MAGI2: variants seen among roughly 807,000 people sequenced by gnomAD.
MAGI2 encodes membrane-associated guanylate kinase, WW and PDZ domain-containing protein 2.
MAGI2 carries 35 observed loss-of-function variants against 133.3 expected under a neutral mutation model. That is an observed-to-expected ratio of 0.26 (90% CI 0.20 to 0.35). The LOEUF is 0.35. Ranked by LOEUF, MAGI2 falls within the 10% of genes least tolerant of loss-of-function variation. MAGI2 has a pLI of 1.00. For missense variants in MAGI2, 1,636 were observed against 1,863.4 expected (o/e 0.88, Z 2.25); for synonymous variants, 729 against 710.6 (o/e 1.03, Z -0.41).
intron 20 of MAGI2, among the ~76,000 whole-genome samples, chr7:78,100,686 T>G (rs952175221): frequency 6.6e-6 from 1 of 152,176 alleles, no homozygotes; most frequent in Non-Finnish European, 1.5e-5. Context: ...AGTTTGGGTA[T>G]GATGTTAGAT....
At chr7:78,768,928 A>AC (rs1269451609) in intron 2 of MAGI2, among the ~76,000 whole-genome samples, 14 of 152,166 alleles carry the variant, frequency 9.2e-5, no homozygotes, top group Non-Finnish European at 1.8e-4. Flanking sequence ...GATTTCGCAC[A>AC]CCCCCAAACA....
intron 2 of MAGI2, among the ~76,000 whole-genome samples, chr7:78,732,247 G>A (rs1321214228): frequency 6.6e-6 from 1 of 152,148 alleles, no homozygotes; most frequent in African/African-American, 2.4e-5. Flanking sequence ...TTGCCTGAGT[G>A]AGAATGGCCT....
chr7:78,832,486 T>A (rs1437700967), intron 2 of MAGI2, among the ~76,000 whole-genome samples: 1 of 152,080 alleles, frequency 6.6e-6, no homozygotes, highest in African/African-American at 2.4e-5. Context: ...AATAAAATAG[T>A]TTAGGGGGCC....
intron 11 of MAGI2, among the ~76,000 whole-genome samples, chr7:78,197,411 G>A (rs1291153194): frequency 1.3e-5 from 2 of 152,182 alleles, no homozygotes; most frequent in Non-Finnish European, 2.9e-5. Flanking sequence ...TTCAGCAAAT[G>A]TCTATTTCTT....
chr7:78,479,343 G>C (rs1314536401), intron 6 of MAGI2, among the ~76,000 whole-genome samples: 5 of 151,866 alleles, frequency 3.3e-5, no homozygotes, highest in Admixed American at 3.3e-4. Flanking sequence ...TCCCATATGG[G>C]TGACCCATCC....
chr7:78,607,377 G>T (rs1584820242), intron 3 of MAGI2, among the ~76,000 whole-genome samples: 1 of 151,906 alleles, frequency 6.6e-6, no homozygotes, highest in Admixed American at 6.6e-5. Flanking sequence ...TGGTCTAGTG[G>T]TAGGGTCCAG....
At chr7:78,384,798 A>C (rs1289486524) in intron 6 of MAGI2, among the ~76,000 whole-genome samples, 1 of 152,174 alleles carries the variant, frequency 6.6e-6, no homozygotes, top group African/African-American at 2.4e-5. Context: ...CCTTAATTTC[A>C]TTTTCTATTT....
In MAGI2 at chr7:78,205,669, A is replaced by T. The variant is rs190037147; in HGVS notation, c.2048-4476T>A. On this transcript the variant is annotated intron_variant, in intron 10 of 21. Transcript: ENST00000354212. ...GAAATTCAATTTAATTAGGAATTCT[A>T]TATTTTTATTTGCGAAATCTGGTCA... Among the ~76,000 whole-genome samples, 15 of 152,342 alleles carry T rather than the reference A, an allele frequency of 9.8e-5. No individual in the cohort carries two copies. In the East Asian group the frequency reaches 2.5e-3, roughly 25 times the overall value.
intron 6 of MAGI2, among the ~76,000 whole-genome samples, chr7:78,369,883 T>C (rs1793750055): frequency 6.6e-6 from 1 of 152,038 alleles, no homozygotes; most frequent in South Asian, 2.1e-4. Context: ...TAAATCCTAT[T>C]ACAGGCAAAA....
chr7:78,503,318 A>G (rs553826124), intron 4 of MAGI2, among the ~76,000 whole-genome samples: 9 of 152,236 alleles, frequency 5.9e-5, no homozygotes, highest in Admixed American at 5.2e-4. Flanking sequence ...GAATCAGAGC[A>G]GAGACCTCAA....
At chr7:79,431,623 A>G (rs1202171675) in intron 1 of MAGI2, among the ~76,000 whole-genome samples, 1 of 152,228 alleles carries the variant, frequency 6.6e-6, no homozygotes, top group African/African-American at 2.4e-5. Context: ...TGATTTCAGC[A>G]TGAAAATGAG....
intron 3 of MAGI2, among the ~76,000 whole-genome samples, chr7:78,541,761 C>G (rs956535884): frequency 6.6e-6 from 1 of 152,100 alleles, no homozygotes; most frequent in Non-Finnish European, 1.5e-5. Flanking sequence ...TGAAGATTCC[C>G]TTAATGAGAG....
intron 6 of MAGI2, among the ~76,000 whole-genome samples, chr7:78,488,741 C>G (rs1295882326): frequency 6.6e-6 from 1 of 151,970 alleles, no homozygotes; most frequent in African/African-American, 2.4e-5. Flanking sequence ...ATTACAATCT[C>G]TAATTTTTAA....
In MAGI2 at chr7:78,185,548, T is replaced by C. The variant is rs1211595081; in HGVS notation, c.2311+81A>G. 6.2e-6 allele frequency: 7 copies of C among 1,128,560 alleles called. No individual in the cohort carries two copies. The East Asian group carries it at 1.8e-4, about 28-fold the overall frequency. The allele number at this position is 1,128,560 out of a possible 1,614,324, so 69.9% of individuals were successfully genotyped here. ...GCACAGCGATTATATACTAGGAAAC[T>C]GATACTATCAGAAGAATGATTTGTT... On this transcript the variant is annotated intron_variant, in intron 13 of 21. Transcript: ENST00000354212.
At position 78,864,821 on chromosome 7, in the gene MAGI2, T is replaced by G. The variant is rs557646561; in HGVS notation, c.418+142269A>C. On this transcript the variant is annotated intron_variant, in intron 2 of 21. Transcript: ENST00000354212. ...ATTTTTTCCCTTAGTACTTTTCAAA[T>G]TTTTAATGGAAGTTTAAATTTCATT... Among the ~76,000 whole-genome samples, 3 of 152,292 alleles carry G rather than the reference T, an allele frequency of 2.0e-5. No homozygotes were observed. In the South Asian group the frequency reaches 6.2e-4, roughly 32 times the overall value.
At chr7:78,187,446 A>T (rs576981518) in intron 12 of MAGI2, among the ~76,000 whole-genome samples, 1 of 152,312 alleles carries the variant, frequency 6.6e-6, no homozygotes, top group South Asian at 2.1e-4. Flanking sequence ...ATGTTTTAAG[A>T]TGACATAATT....
At chr7:78,689,787 A>T (rs1482203202) in intron 2 of MAGI2, among the ~76,000 whole-genome samples, 1 of 136,178 alleles carries the variant, frequency 7.3e-6, no homozygotes, top group Non-Finnish European at 1.5e-5. Flanking sequence ...GTAGTATTTC[A>T]TTGTAATAAG....
chr7:78,174,116 T>C (rs1244094296), intron 14 of MAGI2, among the ~76,000 whole-genome samples: 4 of 152,326 alleles, frequency 2.6e-5, no homozygotes, highest in Non-Finnish European at 5.9e-5. Flanking sequence ...CCTTACTTGT[T>C]CTGAGAAGCT....
intron 1 of MAGI2, among the ~76,000 whole-genome samples, chr7:79,119,265 T>G (rs1819672275): frequency 6.6e-6 from 1 of 152,100 alleles, no homozygotes; most frequent in Admixed American, 6.6e-5. Flanking sequence ...GTAGGGAATG[T>G]GAGTTTATAA....
Sources: allele counts gnomAD v4.1 joint callset (sites outside exome capture counted in the v4.1 genomes callset), GRCh38; gene constraint gnomAD v4.1.1; transcripts MANE v1.5; gene names NCBI Gene and HGNC (gene_info 2026-07-23, HGNC 2026-07-21).